NRXN3: variants seen among roughly 807,000 people sequenced by gnomAD.
NRXN3 encodes neurexin 3.
A neutral mutation model predicts 137.6 loss-of-function variants in NRXN3; 32 were observed. The observed-to-expected ratio is 0.23, with a 90% CI of 0.18 to 0.31. The LOEUF is 0.31. Ranked by LOEUF, NRXN3 falls within the 10% of genes least tolerant of loss-of-function variation. The pLI is 1.00. For missense variants in NRXN3, 1,574 were observed against 2,062.5 expected, an observed-to-expected ratio of 0.76 and a Z score of 4.59; for synonymous variants, 798 against 784.5, an observed-to-expected ratio of 1.02 and a Z score of -0.29.
In NRXN3 at chr14:78,658,371, G is replaced by A. The variant is rs188589979; in HGVS notation, c.1221+7045G>A. ...GATTTCATGTATTTTTATGTAGGGA[G>A]CAAATGGGATTAGACAAATGGAGGT... is the stretch of plus-strand genomic sequence containing the variant. On this transcript the variant is annotated intron_variant, in intron 6 of 20. Transcript: ENST00000335750. Among the ~76,000 whole-genome samples, 19 of 152,278 alleles carry A rather than the reference G, an allele frequency of 1.2e-4. 1 individual carries two copies. The East Asian group carries it at 3.5e-3, about 28-fold the overall frequency.
intron 15 of NRXN3, among the ~76,000 whole-genome samples, chr14:79,188,905 G>C (rs955415691): frequency 6.6e-6 from 1 of 152,158 alleles, no homozygotes; most frequent in African/African-American, 2.4e-5. Context: ...TGGAGAGGAT[G>C]TGGAGAAATA....
rs1431616598 is a variant in NRXN3, at chr14:78,623,653, G to A, written c.758-21467G>A. Among the ~76,000 whole-genome samples, 5 of 152,044 alleles carry A rather than the reference G, an allele frequency of 3.3e-5. No individual in the cohort carries two copies. In the South Asian group the frequency reaches 6.2e-4, roughly 19 times the overall value. ...GTGATCTCGGCTTACTGCAACCTCC[G>A]CCTCCCAGGTTCAAGCTATTCTCCT... On this transcript the variant is annotated intron_variant, in intron 4 of 20. Transcript: ENST00000335750.
chr14:78,273,169 G>C (rs2073059408), intron 2 of NRXN3, among the ~76,000 whole-genome samples: 2 of 152,276 alleles, frequency 1.3e-5, no homozygotes, highest in South Asian at 4.1e-4. Context: ...CTGATGGGCT[G>C]ATACTGCCAG....
chr14:78,733,892 C>T (rs1398728471), intron 8 of NRXN3, among the ~76,000 whole-genome samples: 3 of 152,068 alleles, frequency 2.0e-5, no homozygotes, highest in Non-Finnish European at 4.4e-5. Flanking sequence ...CAAGGTCACC[C>T]TAAGAATAAC....
chr14:78,378,001 A>G (rs1265552206), intron 4 of NRXN3, among the ~76,000 whole-genome samples: 1 of 152,228 alleles, frequency 6.6e-6, no homozygotes, highest in Non-Finnish European at 1.5e-5. Flanking sequence ...ACATATACCA[A>G]GATAGACCAC....
chr14:78,352,182 A>T (rs770707534), intron 4 of NRXN3, among the ~76,000 whole-genome samples: 7 of 151,948 alleles, frequency 4.6e-5, no homozygotes, highest in Non-Finnish European at 8.8e-5. Context: ...TCTCTAGTGC[A>T]GCAGAATATA....
At chr14:78,558,225 C>T (rs2096756622) in intron 4 of NRXN3, among the ~76,000 whole-genome samples, 3 of 152,134 alleles carry the variant, frequency 2.0e-5, no homozygotes, top group Admixed American at 2.0e-4. Flanking sequence ...AACAAGAGAC[C>T]CAAACATGTG....
At chr14:79,209,027 C>T (rs2067228459) in intron 15 of NRXN3, among the ~76,000 whole-genome samples, 1 of 152,150 alleles carries the variant, frequency 6.6e-6, no homozygotes, top group Admixed American at 6.5e-5. Context: ...CAACCTCCAC[C>T]TCTTGGGTTC....
intron 15 of NRXN3, among the ~76,000 whole-genome samples, chr14:79,274,948 T>A (rs978529551): frequency 3.9e-5 from 6 of 152,204 alleles, no homozygotes; most frequent in African/African-American, 1.4e-4. Context: ...TGCCATTGTC[T>A]TTTTTTAAGC....
intron 15 of NRXN3, among the ~76,000 whole-genome samples, chr14:79,092,638 C>T (rs561830578): frequency 6.6e-6 from 1 of 152,278 alleles, no homozygotes; most frequent in African/African-American, 2.4e-5. Flanking sequence ...TGAAGTTTTG[C>T]TGAAGCTTCT....
intron 1 of NRXN3, among the ~76,000 whole-genome samples, chr14:78,211,113 A>G (rs911532570): frequency 6.6e-6 from 1 of 152,266 alleles, no homozygotes; most frequent in African/African-American, 2.4e-5. Context: ...TGAGTATTCA[A>G]AAATTGTTAG....
intron 10 of NRXN3, among the ~76,000 whole-genome samples, chr14:78,837,495 T>C (rs2099000420): frequency 6.6e-6 from 1 of 151,892 alleles, no homozygotes; most frequent in Admixed American, 6.6e-5. Context: ...TTTGTGGGTT[T>C]TTTTTTTTTC....
intron 1 of NRXN3, among the ~76,000 whole-genome samples, chr14:78,191,950 A>T (rs2060775150): frequency 6.6e-6 from 1 of 152,008 alleles, no homozygotes; most frequent in Non-Finnish European, 1.5e-5. Flanking sequence ...CATTGAGATC[A>T]TGCCAGCTGG....
At chr14:79,691,918 T>C (rs1332113964) in intron 17 of NRXN3, among the ~76,000 whole-genome samples, 1 of 152,038 alleles carries the variant, frequency 6.6e-6, no homozygotes, top group Admixed American at 6.6e-5. Flanking sequence ...TCCATTTCCG[T>C]AAACGGCCAG....
At chr14:78,403,035 G>C (rs2092219280) in intron 4 of NRXN3, among the ~76,000 whole-genome samples, 1 of 152,124 alleles carries the variant, frequency 6.6e-6, no homozygotes, top group Non-Finnish European at 1.5e-5. Context: ...GTTTGAGGTG[G>C]GAGCAAAGAA....
At chr14:78,365,169 A>G (rs1393770379) in intron 4 of NRXN3, among the ~76,000 whole-genome samples, 5 of 152,140 alleles carry the variant, frequency 3.3e-5, no homozygotes, top group African/African-American at 1.2e-4. Context: ...AAATTTATAT[A>G]TATATGTTAT....
At chr14:78,848,699 C>T (rs999101148) in intron 10 of NRXN3, among the ~76,000 whole-genome samples, 6 of 152,132 alleles carry the variant, frequency 3.9e-5, no homozygotes, top group Non-Finnish European at 8.8e-5. Flanking sequence ...GCACTGATAG[C>T]AACTTAAGTT....
At chr14:79,001,457 C>T (rs2099541214) in intron 15 of NRXN3, among the ~76,000 whole-genome samples, 3 of 152,096 alleles carry the variant, frequency 2.0e-5, no homozygotes, top group Non-Finnish European at 4.4e-5. Context: ...ATATTCATGG[C>T]TTTCTATATT....
chr14:79,306,770 C>G (rs962328353), intron 15 of NRXN3, among the ~76,000 whole-genome samples: 2 of 152,088 alleles, frequency 1.3e-5, no homozygotes, highest in African/African-American at 4.8e-5. Flanking sequence ...TGCAAGATAG[C>G]ATCTTGTTTG....
Sources: gnomAD v4.1 joint callset for allele counts (sites outside exome capture counted in the v4.1 genomes callset) on GRCh38, gnomAD v4.1.1 for gene constraint, MANE v1.5 for transcripts, NCBI Gene and HGNC (gene_info 2026-07-23, HGNC 2026-07-21) for gene names.